The following DLGAP2 variants were observed in gnomAD, a reference collection of about 807,000 sequenced individuals.
DLGAP2 encodes disks large-associated protein 2.
DLGAP2 carries 26 observed loss-of-function variants against 100.3 expected under a neutral mutation model. That is an observed-to-expected ratio of 0.26 (90% CI 0.19 to 0.36). The LOEUF is 0.36. Ranked by LOEUF, DLGAP2 falls within the 10% of genes least tolerant of loss-of-function variation. DLGAP2 has a pLI of 1.00. For missense variants in DLGAP2, 1,858 were observed against 1,453.2 expected (o/e 1.28, Z -4.53); for synonymous variants, 886 against 630.1 (o/e 1.41, Z -6.08).
intron 1 of DLGAP2, among the ~76,000 whole-genome samples, chr8:766,150 G>C (rs537369800): frequency 1.3e-5 from 2 of 152,294 alleles, no homozygotes; most frequent in East Asian, 3.9e-4. Context: ...CTGAGTGACA[G>C]AGCGAGACTC....
At chr8:917,361 C>G (rs941549413) in intron 2 of DLGAP2, among the ~76,000 whole-genome samples, 5 of 151,960 alleles carry the variant, frequency 3.3e-5, no homozygotes, top group Non-Finnish European at 5.9e-5. Context: ...ACCTCAGCCC[C>G]TCAAGTAGCT....
At chr8:1,079,582 TA>T in intron 2 of DLGAP2, among the ~76,000 whole-genome samples, 1 of 152,334 alleles carries the variant, frequency 6.6e-6, no homozygotes, top group East Asian at 1.9e-4. Flanking sequence ...AACAAAGGAA[TA>T]AGTTCTAATG....
At chr8:1,656,716 T>A (rs1201235318) in intron 8 of DLGAP2, among the ~76,000 whole-genome samples, 2 of 152,224 alleles carry the variant, frequency 1.3e-5, no homozygotes, top group African/African-American at 4.8e-5. Context: ...CATGCAATTT[T>A]TATGGAATTC....
chr8:822,278 GTGCTC>G, intron 1 of DLGAP2: 2 of 399,414 alleles, frequency 5.0e-6, no homozygotes, highest in Non-Finnish European at 8.8e-6. Flanking sequence ...GCTGTGATGG[GTGCTC>G]CACCCGGGGA....
intron 1 of DLGAP2, among the ~76,000 whole-genome samples, chr8:835,824 C>T (rs1796863196): frequency 6.6e-6 from 1 of 152,166 alleles, no homozygotes; most frequent in Non-Finnish European, 1.5e-5. Context: ...CCGTACCAGC[C>T]GGTCTGTGGC....
At chr8:1,136,771 C>T (rs1043141508) in intron 2 of DLGAP2, among the ~76,000 whole-genome samples, 5 of 152,334 alleles carry the variant, frequency 3.3e-5, no homozygotes, top group Admixed American at 1.3e-4. Flanking sequence ...CAGGAGCACA[C>T]GGGGCGTGTT....
At chr8:1,356,514 G>T (rs1801854779) in intron 3 of DLGAP2, among the ~76,000 whole-genome samples, 1 of 152,158 alleles carries the variant, frequency 6.6e-6, no homozygotes, top group Non-Finnish European at 1.5e-5. Context: ...CTGGTGGCCT[G>T]GGATGGGAAG....
intron 2 of DLGAP2, among the ~76,000 whole-genome samples, chr8:1,067,001 A>T (rs954532101): frequency 6.6e-6 from 1 of 152,116 alleles, no homozygotes; most frequent in Non-Finnish European, 1.5e-5. Flanking sequence ...GGCCCCCCTG[A>T]TGCCCGACTC....
chr8:1,419,441 C>CGTGTGTGT (rs71190735), intron 3 of DLGAP2, among the ~76,000 whole-genome samples: 1 of 52,994 alleles, frequency 1.9e-5, no homozygotes. Context: ...CACTCTGATA[C>CGTGTGTGT]GTGTGTGTGT....
At chr8:1,024,921 G>T (rs1801747713) in intron 2 of DLGAP2, among the ~76,000 whole-genome samples, 1 of 152,226 alleles carries the variant, frequency 6.6e-6, no homozygotes, top group South Asian at 2.1e-4. Context: ...TGGCGTGGCA[G>T]AGTCTGGAAT....
intron 3 of DLGAP2, among the ~76,000 whole-genome samples, chr8:1,480,968 C>T (rs564630218): frequency 1.1e-3 from 165 of 152,068 alleles, no homozygotes; most frequent in Non-Finnish European, 1.7e-3. Flanking sequence ...GTCAGGAGAT[C>T]GAGACCATCC....
intron 2 of DLGAP2, among the ~76,000 whole-genome samples, chr8:1,169,504 C>A (rs1260545457): frequency 6.6e-6 from 1 of 152,190 alleles, no homozygotes; most frequent in South Asian, 2.1e-4. Context: ...TTGATTCTTC[C>A]TATCCATGAG....
intron 3 of DLGAP2, among the ~76,000 whole-genome samples, chr8:1,392,389 C>T (rs929226806): frequency 2.0e-5 from 3 of 152,256 alleles, no homozygotes; most frequent in African/African-American, 7.2e-5. Context: ...CCCATCAACT[C>T]GCGGCACTCG....
At chr8:1,700,172 C>A (rs770446846) in intron 14 of DLGAP2, among the ~76,000 whole-genome samples, 1 of 152,206 alleles carries the variant, frequency 6.6e-6, no homozygotes, top group Non-Finnish European at 1.5e-5. Flanking sequence ...TGCCTGTCTT[C>A]CCCCAATCTA....
At chr8:1,265,063 A>C (rs540342051) in intron 3 of DLGAP2, among the ~76,000 whole-genome samples, 61 of 152,288 alleles carry the variant, frequency 4.0e-4, no homozygotes, top group Admixed American at 1.8e-3. Flanking sequence ...TTTAAAAATA[A>C]ATTACCCAGT....
chr8:803,670 C>T (rs1261182652), intron 1 of DLGAP2, among the ~76,000 whole-genome samples: 1 of 152,152 alleles, frequency 6.6e-6, no homozygotes, highest in African/African-American at 2.4e-5. Flanking sequence ...AGCAGGGCTG[C>T]CTCAATCCAC....
At chr8:1,668,229 C>T in intron 8 of DLGAP2, 100 bp from the exon 9 acceptor site, 1 of 1,150,880 alleles carries the variant, frequency 8.7e-7, no homozygotes, top group African/African-American at 1.6e-5. Flanking sequence ...CAGGAACAGA[C>T]TTGCTCCGTC....
At chr8:740,555 T>A (rs540189849) in intron 1 of DLGAP2, among the ~76,000 whole-genome samples, 1 of 152,348 alleles carries the variant, frequency 6.6e-6, no homozygotes, top group South Asian at 2.1e-4. Flanking sequence ...AAATTCCAAA[T>A]TAAATATTAA....
At chr8:1,682,606 C>A (rs1428878830) in intron 12 of DLGAP2, among the ~76,000 whole-genome samples, 1 of 151,678 alleles carries the variant, frequency 6.6e-6, no homozygotes, top group African/African-American at 2.4e-5. Flanking sequence ...TCCCAAGTAG[C>A]TGGGACTACA....
Sources: gnomAD v4.1 joint callset for allele counts (sites outside exome capture counted in the v4.1 genomes callset) on GRCh38, gnomAD v4.1.1 for gene constraint, MANE v1.5 for transcripts, NCBI Gene and HGNC (gene_info 2026-07-23, HGNC 2026-07-21) for gene names.